The following LRRC59 variants were observed in gnomAD, a reference collection of about 807,000 sequenced individuals.
LRRC59 encodes leucine-rich repeat-containing protein 59.
A neutral mutation model predicts 33.5 loss-of-function variants in LRRC59; 18 were observed. The ratio of observed to expected loss-of-function variants is 0.54; its 90% CI spans 0.37 to 0.80. The LOEUF is 0.80. LRRC59 is among the 30% of genes least tolerant of loss of function. The pLI is 0.00. For synonymous variants in LRRC59, 138 were observed against 160.0 expected (o/e 0.86, Z 1.04); for missense variants, 330 against 391.9 (o/e 0.84, Z 1.33).
chr17:50,389,794 T>G (rs989218673), intron 4 of LRRC59, among the ~76,000 whole-genome samples: 1 of 152,076 alleles, frequency 6.6e-6, no homozygotes, highest in Non-Finnish European at 1.5e-5. Context: ...CAAAAGGATC[T>G]CCTTTCAAAA....
In LRRC59 at chr17:50,388,411, G is replaced by C. The variant is rs940224189; in HGVS notation, c.430-279C>G. 2.8e-4 allele frequency among the ~76,000 whole-genome samples: 43 copies of C among 152,170 alleles called. 1 individual carries two copies. Among genetic ancestry groups the C allele is most frequent in the Non-Finnish European group, 1.5e-5 (1 of 68,042 alleles). ...AAAAAATTGGCCAGGCACAGCGGCAGATGCCTGTAGTCTCAGCTACTTAGG... is the reference window on the plus strand; with the variant it reads ...AAAAAATTGGCCAGGCACAGCGGCACATGCCTGTAGTCTCAGCTACTTAGG... On this transcript the variant is annotated intron_variant, in intron 4 of 6. Transcript: ENST00000225972.
chr17:50,393,363 G>A (rs1239648063), intron 2 of LRRC59, among the ~76,000 whole-genome samples: 2 of 152,180 alleles, frequency 1.3e-5, no homozygotes, highest in African/African-American at 2.4e-5. Flanking sequence ...TCCTGGAGAG[G>A]TGTGGTTACC....
At chr17:50,394,859 T>G in intron 2 of LRRC59, 70 bp downstream of exon 2, 303 of 749,476 alleles carry the variant, frequency 4.0e-4, no homozygotes, top group Non-Finnish European at 5.7e-4. Flanking sequence ...CACCCCCCTC[T>G]CAACCCCCGA....
intron 6 of LRRC59, among the ~76,000 whole-genome samples, chr17:50,383,579 C>T (rs1250026860): frequency 1.3e-5 from 2 of 152,082 alleles, no homozygotes; most frequent in African/African-American, 2.4e-5. Context: ...GAGTACTGTC[C>T]ACTTGGGGAA....
At chr17:50,396,955 C>T (rs186921954) in intron 1 of LRRC59, 194 of 402,982 alleles carry the variant, frequency 4.8e-4, no homozygotes, top group African/African-American at 3.7e-3. Flanking sequence ...GTGACAGATT[C>T]GCTTCTTAGC....
At chr17:50,388,008 A>G in intron 5 of LRRC59, 52 bp downstream of exon 5, 1 of 1,570,258 alleles carries the variant, frequency 6.4e-7, no homozygotes, top group East Asian at 2.2e-5. Context: ...ATGAGAATCC[A>G]CTGGCTGGGA....
chr17:50,385,330 A>G, intron 5 of LRRC59, 39 bp from the exon 6 acceptor site: 1 of 1,602,030 alleles, frequency 6.2e-7, no homozygotes, highest in East Asian at 2.2e-5. Flanking sequence ...TCTCTCTCAC[A>G]AACACTCCAG....
In LRRC59 at chr17:50,397,327, G is replaced by A. The variant is rs368943176; in HGVS notation, c.-10C>T. ...TACCGGCCTTGGTCATGGTAACGCC[G>A]GCTGAGCGGGCCCCGGCTCCGGGGT... On this transcript the variant is annotated 5_prime_UTR_variant, in exon 1 of 7. Coordinates refer to ENST00000225972, the MANE Select transcript of LRRC59 (RefSeq NM_018509.4). 3.8e-6 allele frequency: 6 copies of A among 1,597,710 alleles called. No individual in the cohort carries two copies. The highest frequency in any genetic ancestry group is 5.1e-6 in the Non-Finnish European group (6 of 1,172,140).
intron 5 of LRRC59, among the ~76,000 whole-genome samples, 163 bp from the exon 6 acceptor site, chr17:50,385,454 GC>G (rs1400957009): frequency 6.6e-6 from 1 of 152,146 alleles, no homozygotes; most frequent in Non-Finnish European, 1.5e-5. Flanking sequence ...CCTGGAAGTA[GC>G]CCTCCCCAAA....
intron 4 of LRRC59, among the ~76,000 whole-genome samples, chr17:50,389,836 C>T (rs1159749922): frequency 1.3e-5 from 2 of 152,252 alleles, no homozygotes; most frequent in East Asian, 3.9e-4. Context: ...GTGGCTCACA[C>T]CTGTAATCCC....
rs1317030592 is a variant in LRRC59 at position 50,382,306 on chromosome 17, A to G, written c.*682T>C. The G allele has an allele frequency of 6.6e-6, 1 of 152,294 alleles. No homozygotes were observed. Among genetic ancestry groups the G allele is most frequent in the Non-Finnish European group, 1.5e-5 (1 of 68,170 alleles). The allele number at this position is 152,294 out of a possible 1,614,324, so 9.4% of individuals were successfully genotyped here. A position where few individuals can be genotyped will look rare whatever the true frequency, so the allele number is the denominator to read the frequency against. On this transcript the variant is annotated 3_prime_UTR_variant, in exon 7 of 7. Coordinates refer to ENST00000225972, the MANE Select transcript of LRRC59 (RefSeq NM_018509.4). ...TCTCAGGACATTATAAAGGAGGGAAAATGATGTAAAGGGAAGAAAGAATAC... is the reference window on the plus strand; with the variant it reads ...TCTCAGGACATTATAAAGGAGGGAAGATGATGTAAAGGGAAGAAAGAATAC...
chr17:50,397,038 A>C, intron 1 of LRRC59, 175 bp downstream of exon 1: 1 of 462,980 alleles, frequency 2.2e-6, no homozygotes, highest in Non-Finnish European at 3.8e-6. Context: ...ACACGTGTAC[A>C]TCCCGGGAAG....
chr17:50,388,165 CAT>C (rs1296730218), intron 4 of LRRC59, 33 bp from the exon 5 acceptor site: 1 of 1,594,590 alleles, frequency 6.3e-7, no homozygotes. Flanking sequence ...TAGTGCTCTT[CAT>C]AGTCATGTTT....
intron 5 of LRRC59, among the ~76,000 whole-genome samples, chr17:50,385,778 C>T (rs560755283): frequency 6.6e-6 from 1 of 152,190 alleles, no homozygotes; most frequent in African/African-American, 2.4e-5. Context: ...GAAACAATGA[C>T]GCCAGGAGCA....
At position 50,381,614 on chromosome 17, in the gene LRRC59, C is replaced by T. The variant is rs1913850555; in HGVS notation, c.*1374G>A. 6.6e-6 allele frequency: 1 copy of T among 152,636 alleles called. No homozygotes were observed. Among genetic ancestry groups the T allele is most frequent in the Non-Finnish European group, 1.5e-5 (1 of 68,094 alleles). 9.5% of individuals were successfully genotyped at this position (152,636 alleles called of 1,614,324 possible). A position where few individuals can be genotyped will look rare whatever the true frequency, so the allele number is the denominator to read the frequency against. On this transcript the variant is annotated 3_prime_UTR_variant, in exon 7 of 7. Coordinates refer to ENST00000225972, the MANE Select transcript of LRRC59 (RefSeq NM_018509.4). ...AGTCCCATCCAAAAGGTCATTAGGGCTAAAAGGCCCTCTGTGTCTCTGAAC... is the reference window on the plus strand; with the variant it reads ...AGTCCCATCCAAAAGGTCATTAGGGTTAAAAGGCCCTCTGTGTCTCTGAAC...
intron 6 of LRRC59, among the ~76,000 whole-genome samples, 188 bp from the exon 7 acceptor site, chr17:50,383,423 G>C (rs374559722): frequency 5.3e-5 from 8 of 152,270 alleles, no homozygotes; most frequent in East Asian, 3.9e-4. Context: ...GGATCTGAAG[G>C]GGGTAGATTT....
Position 50,388,125 on chromosome 17 carries a change from T to C in LRRC59, c.437A>G (p.Gln146Arg). ...ATCTGCCTGCACGGCCTTCATGTGC[T>C]GTAACACCTGCAAAGGAAAAGGAGG... is the stretch of plus-strand genomic sequence containing the variant. ...QCKQCANKVL[Q>R]HMKAVQADQE... Residue 146 changes from glutamine (Q) to arginine (R), a missense_variant, in exon 5 of 7, where the codon CAG (glutamine) becomes CGG (arginine). Transcript: ENST00000225972. 6.2e-7 allele frequency: 1 copy of C among 1,614,236 alleles called. No homozygotes were observed. Among genetic ancestry groups the C allele is most frequent in the Non-Finnish European group, 8.5e-7 (1 of 1,180,028 alleles).
chr17:50,382,412 G>A lies in LRRC59; in HGVS notation c.*576C>T, dbSNP rs116922736. 2,419 of 153,082 alleles carry A rather than the reference G, an allele frequency of 0.016. 39 individuals carry two copies. Among genetic ancestry groups the A allele is most frequent in the Non-Finnish European group, 0.022 (1,527 of 68,614 alleles). The allele number at this position is 153,082 out of a possible 1,614,324, so 9.5% of individuals were successfully genotyped here. A position where few individuals can be genotyped will look rare whatever the true frequency, so the allele number is the denominator to read the frequency against. On this transcript the variant is annotated 3_prime_UTR_variant, in exon 7 of 7. Coordinates refer to ENST00000225972, the MANE Select transcript of LRRC59 (RefSeq NM_018509.4). ...AAGACCTCAGTTTCTCTGTCTGCAA[G>A]TGTTATATTGGACTGGATGGTCATG...
intron 2 of LRRC59, among the ~76,000 whole-genome samples, chr17:50,393,754 T>C (rs920651515): frequency 6.6e-6 from 1 of 152,230 alleles, no homozygotes; most frequent in Non-Finnish European, 1.5e-5. Flanking sequence ...AAGTTGTCAG[T>C]ACAGACAACA....
Sources: gnomAD v4.1 joint callset for allele counts (sites outside exome capture counted in the v4.1 genomes callset) on GRCh38, gnomAD v4.1.1 for gene constraint, MANE v1.5 for transcripts, NCBI Gene and HGNC (gene_info 2026-07-23, HGNC 2026-07-21) for gene names.